LGSN: variants seen among roughly 807,000 people sequenced by gnomAD.
LGSN encodes lengsin, lens protein with glutamine synthetase domain.
A neutral mutation model predicts 19.5 loss-of-function variants in LGSN; 21 were observed. That is an observed-to-expected ratio of 1.07 (90% CI 0.76 to 1.55). The LOEUF is 1.55. LGSN is among the 40% of genes most tolerant of loss of function. LGSN has a pLI of 0.00. For missense variants in LGSN, 673 were observed against 608.5 expected (o/e 1.11, Z -1.12); for synonymous variants, 257 against 215.6 (o/e 1.19, Z -1.68).
intron 1 of LGSN, among the ~76,000 whole-genome samples, chr6:63,312,120 G>C (rs778239800): frequency 6.6e-6 from 1 of 152,156 alleles, no homozygotes; most frequent in Non-Finnish European, 1.5e-5. Flanking sequence ...ATTATTGCCT[G>C]TTTAAGGCTT....
chr6:63,452,578 T>C, the LGSN span, among the ~76,000 whole-genome samples: 1 of 152,084 alleles, frequency 6.6e-6, no homozygotes, highest in Admixed American at 6.6e-5. Flanking sequence ...ATTCATAATA[T>C]ATTTATTTTT....
chr6:63,440,856 C>A, the LGSN span: 2 of 172,164 alleles, frequency 1.2e-5, no homozygotes, highest in South Asian at 3.0e-4. Context: ...GGATGAAGAC[C>A]CGGTCAAGGA....
chr6:63,328,463 G>A, the LGSN span, among the ~76,000 whole-genome samples: 1 of 152,150 alleles, frequency 6.6e-6, no homozygotes, highest in African/African-American at 2.4e-5. Context: ...ACTTCCTTTG[G>A]CACCTAGTGT....
At chr6:63,500,701 G>A in the LGSN span, among the ~76,000 whole-genome samples, 19 of 151,676 alleles carry the variant, frequency 1.3e-4, no homozygotes, top group Non-Finnish European at 2.2e-4. Flanking sequence ...GATTACAGGC[G>A]TGAGCCATCA....
At chr6:63,504,230 T>C in the LGSN span, among the ~76,000 whole-genome samples, 1 of 139,422 alleles carries the variant, frequency 7.2e-6, no homozygotes, top group East Asian at 2.1e-4. Context: ...TCTTCCTCCC[T>C]GGTTCAAGCG....
At chr6:63,442,993 G>T in the LGSN span, among the ~76,000 whole-genome samples, 6 of 152,244 alleles carry the variant, frequency 3.9e-5, no homozygotes, top group African/African-American at 9.6e-5. Context: ...GCACTGTGGA[G>T]CAGGCGGCGG....
chr6:63,306,048 C>T (rs930987002), intron 1 of LGSN, among the ~76,000 whole-genome samples: 3 of 151,992 alleles, frequency 2.0e-5, no homozygotes, highest in Non-Finnish European at 4.4e-5. Flanking sequence ...GCCTGGGCAA[C>T]AGAGTGAGAC....
chr6:63,482,354 C>T, the LGSN span, among the ~76,000 whole-genome samples: 1 of 152,118 alleles, frequency 6.6e-6, no homozygotes. Context: ...CACTTGGATC[C>T]CTTCATTAGA....
the LGSN span, among the ~76,000 whole-genome samples, chr6:63,478,129 T>G: frequency 2.6e-5 from 4 of 152,124 alleles, no homozygotes. Flanking sequence ...CTGTAAAGAT[T>G]TATGGAGTCA....
At chr6:63,350,316 T>C in the LGSN span, among the ~76,000 whole-genome samples, 1 of 152,224 alleles carries the variant, frequency 6.6e-6, no homozygotes, top group Non-Finnish European at 1.5e-5. Context: ...CACAGGGTTG[T>C]TAGTAGGACC....
At chr6:63,478,494 A>G in the LGSN span, among the ~76,000 whole-genome samples, 1 of 152,192 alleles carries the variant, frequency 6.6e-6, no homozygotes, top group African/African-American at 2.4e-5. Flanking sequence ...CTGAAAAAAA[A>G]AAATCTAAAT....
At chr6:63,439,184 T>C in the LGSN span, among the ~76,000 whole-genome samples, 1 of 151,760 alleles carries the variant, frequency 6.6e-6, no homozygotes, top group Non-Finnish European at 1.5e-5. Flanking sequence ...AAGGGGAACA[T>C]CACACTCTGG....
At chr6:63,387,409 G>A in the LGSN span, among the ~76,000 whole-genome samples, 1 of 152,014 alleles carries the variant, frequency 6.6e-6, no homozygotes, top group African/African-American at 2.4e-5. Context: ...ATATATCTTT[G>A]TTGTATTAGG....
At chr6:63,327,927 C>A in the LGSN span, among the ~76,000 whole-genome samples, 3 of 152,146 alleles carry the variant, frequency 2.0e-5, no homozygotes, top group Non-Finnish European at 4.4e-5. Flanking sequence ...CTTTGTGTTC[C>A]TGCACCGTGT....
At chr6:63,388,589 G>C in the LGSN span, among the ~76,000 whole-genome samples, 6 of 152,134 alleles carry the variant, frequency 3.9e-5, no homozygotes, top group Non-Finnish European at 8.8e-5. Flanking sequence ...GCCAAGGAGA[G>C]AGGCCTCAGA....
chr6:63,429,790 T>C, the LGSN span, among the ~76,000 whole-genome samples: 1 of 150,460 alleles, frequency 6.6e-6, no homozygotes, highest in Non-Finnish European at 1.5e-5. Flanking sequence ...ACTCAACTGC[T>C]CAACAAGGCC....
At chr6:63,472,633 C>T in the LGSN span, among the ~76,000 whole-genome samples, 1 of 152,130 alleles carries the variant, frequency 6.6e-6, no homozygotes, top group East Asian at 1.9e-4. Flanking sequence ...AAGACAGCCC[C>T]CTCCTTAAAA....
In LGSN at chr6:63,295,090, A is replaced by G. The variant is rs1767932561; in HGVS notation, c.31-45T>C. On this transcript the variant is annotated intron_variant, in intron 1 of 3. Transcript: ENST00000370657. ...AAAAAGCCAAATAACAGATTATTCA[A>G]ACAATGATATTTGGATGTCGAAAGA... 3 of 1,557,584 alleles carry G rather than the reference A, an allele frequency of 1.9e-6. No homozygotes were observed. In the East Asian group the frequency reaches 6.8e-5, roughly 35 times the overall value.
At chr6:63,511,624 C>A in the LGSN span, among the ~76,000 whole-genome samples, 1 of 152,158 alleles carries the variant, frequency 6.6e-6, no homozygotes, top group African/African-American at 2.4e-5. Flanking sequence ...AAAATTTTGA[C>A]AGTTTATAGT....
Sources: gnomAD v4.1 joint callset for allele counts (sites outside exome capture counted in the v4.1 genomes callset) on GRCh38, gnomAD v4.1.1 for gene constraint, MANE v1.5 for transcripts, NCBI Gene and HGNC (gene_info 2026-07-23, HGNC 2026-07-21) for gene names.